EYA1: variants seen among roughly 807,000 people sequenced by gnomAD.
The protein encoded by EYA1 is EYA transcriptional coactivator and phosphatase 1.
In EYA1, 16 loss-of-function variants were observed where a neutral mutation model predicts 82.0. That is an observed-to-expected ratio of 0.20 (90% confidence interval 0.13 to 0.30). EYA1 has a LOEUF of 0.30. Ranked by LOEUF, EYA1 falls within the 10% of genes least tolerant of loss-of-function variation. The pLI is 1.00. For missense variants in EYA1, 633 were observed against 730.7 expected, an observed-to-expected ratio of 0.87 and a Z score of 1.54; for synonymous variants, 261 against 264.4, an observed-to-expected ratio of 0.99 and a Z score of 0.12.
chr8:71,527,225 C>A (rs1167439140), intron 2 of EYA1, among the ~76,000 whole-genome samples: 1 of 152,178 alleles, frequency 6.6e-6, no homozygotes, highest in Non-Finnish European at 1.5e-5. Context: ...AACTATGGAA[C>A]TAGATCACCA....
intron 11 of EYA1, among the ~76,000 whole-genome samples, chr8:71,257,390 T>A (rs1008100959): frequency 1.3e-5 from 2 of 152,198 alleles, no homozygotes; most frequent in African/African-American, 4.8e-5. Flanking sequence ...TATAAAAATA[T>A]TCACTAAGAC....
intron 12 of EYA1, among the ~76,000 whole-genome samples, chr8:71,242,347 A>G (rs1435777704): frequency 2.6e-5 from 4 of 152,204 alleles, no homozygotes; most frequent in Non-Finnish European, 4.4e-5. Context: ...TAATATCCCT[A>G]ACATAAAATC....
At chr8:71,410,078 G>C (rs557080659) in intron 2 of EYA1, among the ~76,000 whole-genome samples, 56 of 152,134 alleles carry the variant, frequency 3.7e-4, no homozygotes, top group African/African-American at 1.3e-3. Context: ...TTCAATATAC[G>C]CAAATCAATA....
At chr8:71,313,980 C>G (rs1821630048) in intron 7 of EYA1, among the ~76,000 whole-genome samples, 1 of 152,122 alleles carries the variant, frequency 6.6e-6, no homozygotes, top group Non-Finnish European at 1.5e-5. Flanking sequence ...CTCTGAATAA[C>G]TAGTCATCAT....
intron 2 of EYA1, among the ~76,000 whole-genome samples, chr8:71,395,006 A>C (rs905634610): frequency 6.6e-6 from 1 of 152,122 alleles, no homozygotes; most frequent in Non-Finnish European, 1.5e-5. Context: ...GAGGTCCTTC[A>C]CATCCCTTGT....
intron 2 of EYA1, among the ~76,000 whole-genome samples, chr8:71,461,579 C>T (rs970796010): frequency 1.1e-4 from 16 of 152,210 alleles, no homozygotes; most frequent in African/African-American, 3.6e-4. Flanking sequence ...GCTCTTCTCT[C>T]CTTCTCTTTG....
intron 2 of EYA1, among the ~76,000 whole-genome samples, chr8:71,491,732 C>A (rs574893956): frequency 2.0e-5 from 3 of 152,272 alleles, no homozygotes; most frequent in African/African-American, 7.2e-5. Flanking sequence ...CAAGTTAACA[C>A]ACAGGAATCA....
chr8:71,315,635 G>T (rs191762445), intron 7 of EYA1, among the ~76,000 whole-genome samples: 44 of 152,304 alleles, frequency 2.9e-4, no homozygotes, highest in Non-Finnish European at 4.6e-4. Flanking sequence ...GACCTTGTCT[G>T]CCTTATGATC....
intron 10 of EYA1, 112 bp from the exon 11 acceptor site, chr8:71,269,935 GA>G: frequency 1.2e-6 from 1 of 804,804 alleles, no homozygotes. Context: ...TGAAAAATCT[GA>G]ATTTATTATT....
intron 7 of EYA1, among the ~76,000 whole-genome samples, chr8:71,309,936 T>C (rs1268614447): frequency 1.3e-5 from 2 of 152,224 alleles, no homozygotes; most frequent in Non-Finnish European, 2.9e-5. Context: ...TGTTATTTTC[T>C]TCTCTAAGTG....
chr8:71,342,123 C>G (rs1465418222), intron 3 of EYA1, among the ~76,000 whole-genome samples: 1 of 152,100 alleles, frequency 6.6e-6, no homozygotes, highest in Non-Finnish European at 1.5e-5. Context: ...CTCATCTCTC[C>G]CCCAATCCAA....
At chr8:71,240,414 T>A (rs373417349) in intron 12 of EYA1, among the ~76,000 whole-genome samples, 1 of 152,208 alleles carries the variant, frequency 6.6e-6, no homozygotes, top group African/African-American at 2.4e-5. Flanking sequence ...TGCTCTGGTC[T>A]GCTCCAACTA....
rs560670374 is a variant in EYA1, at chr8:71,217,895, G to A, written c.1141-872C>T. On this transcript the variant is annotated intron_variant, in intron 12 of 17. Coordinates refer to ENST00000340726, the MANE Select transcript of EYA1 (RefSeq NM_000503.6). ...TTCTGCACCTGTTTGCAGATATATC[G>A]GAGCACCCATATATCTTAACCACCG... Among the ~76,000 whole-genome samples the A allele has an allele frequency of 4.6e-5, 7 of 152,150 alleles. No homozygotes were observed. In the South Asian group the frequency reaches 6.2e-4, roughly 14 times the overall value.
At chr8:71,524,326 G>A (rs1813652739) in intron 2 of EYA1, among the ~76,000 whole-genome samples, 1 of 152,144 alleles carries the variant, frequency 6.6e-6, no homozygotes, top group African/African-American at 2.4e-5. Flanking sequence ...TGTGAGCACT[G>A]AGAATGAATA....
chr8:71,326,177 GAAT>G (rs1373105672), intron 4 of EYA1, among the ~76,000 whole-genome samples: 1 of 152,056 alleles, frequency 6.6e-6, no homozygotes, highest in Non-Finnish European at 1.5e-5. Flanking sequence ...AATCAAAAAT[GAAT>G]AATAATTACA....
At chr8:71,305,436 A>G (rs914092406) in intron 7 of EYA1, among the ~76,000 whole-genome samples, 1 of 141,678 alleles carries the variant, frequency 7.1e-6, no homozygotes, top group Non-Finnish European at 1.6e-5. Context: ...CTCATTGGTT[A>G]AAAGGAAAAG....
intron 11 of EYA1, among the ~76,000 whole-genome samples, chr8:71,263,010 A>G (rs1815324416): frequency 6.6e-6 from 1 of 152,166 alleles, no homozygotes; most frequent in South Asian, 2.1e-4. Context: ...CAGAGCCACC[A>G]CTCACATAGC....
At chr8:71,546,756 G>C (rs946884663) in intron 1 of EYA1, among the ~76,000 whole-genome samples, 5 of 151,914 alleles carry the variant, frequency 3.3e-5, no homozygotes, top group African/African-American at 1.2e-4. Flanking sequence ...TGCCCTCCTG[G>C]GCCTCCCACA....
At position 71,305,301 on chromosome 8, in the gene EYA1, C is replaced by T. The variant is rs1415947295; in HGVS notation, c.557-5581G>A. On this transcript the variant is annotated intron_variant, in intron 7 of 17. Transcript: ENST00000340726. ...ATCACATTATATCATGAAAATTCCT[C>T]AAAGTAGAAAGAATTCCCATTATAA... Among the ~76,000 whole-genome samples, 2 of 142,910 alleles carry T rather than the reference C, an allele frequency of 1.4e-5. 1 individual carries two copies. The highest frequency in any genetic ancestry group is 4.1e-4 in the East Asian group (2 of 4,892). 93.8% of individuals were successfully genotyped at this position (142,910 alleles called of 152,430 possible).
Sources: gnomAD v4.1 joint callset for allele counts (sites outside exome capture counted in the v4.1 genomes callset) on GRCh38, gnomAD v4.1.1 for gene constraint, MANE v1.5 for transcripts, NCBI Gene and HGNC (gene_info 2026-07-23, HGNC 2026-07-21) for gene names.